KCNAB1: variants seen among roughly 807,000 people sequenced by gnomAD.
KCNAB1 encodes the protein potassium voltage-gated channel subfamily A regulatory beta subunit 1.
A neutral mutation model predicts 64.6 loss-of-function variants in KCNAB1; 35 were observed. That is an observed-to-expected ratio of 0.54 (90% CI 0.41 to 0.72). KCNAB1 has a LOEUF of 0.72. KCNAB1 is among the 30% of genes least tolerant of loss of function. The pLI, the probability that KCNAB1 is intolerant of heterozygous loss-of-function variation, is 0.00. For missense variants in KCNAB1, 401 were observed against 512.9 expected, an observed-to-expected ratio of 0.78 and a Z score of 2.11; for synonymous variants, 177 against 183.8, an observed-to-expected ratio of 0.96 and a Z score of 0.30.
At chr3:156,418,027 C>T (rs1477344868) in intron 1 of KCNAB1, among the ~76,000 whole-genome samples, 1 of 152,172 alleles carries the variant, frequency 6.6e-6, no homozygotes, top group East Asian at 1.9e-4. Flanking sequence ...TCAGGTTCAC[C>T]TGAGAAAGAG....
intron 7 of KCNAB1, among the ~76,000 whole-genome samples, chr3:156,469,627 G>T (rs1039704583): frequency 3.9e-5 from 6 of 152,172 alleles, no homozygotes; most frequent in Non-Finnish European, 8.8e-5. Context: ...AACCAGTTCA[G>T]CTGAAATTCA....
At chr3:156,363,502 G>T (rs553557597) in intron 1 of KCNAB1, among the ~76,000 whole-genome samples, 13 of 150,142 alleles carry the variant, frequency 8.7e-5, no homozygotes, top group East Asian at 3.9e-4. Context: ...TTGAGACAGC[G>T]TCTTGCTCTG....
At chr3:156,197,707 G>C (rs1714047207) in intron 1 of KCNAB1, among the ~76,000 whole-genome samples, 1 of 151,746 alleles carries the variant, frequency 6.6e-6, no homozygotes, top group Non-Finnish European at 1.5e-5. Context: ...TATTAGTCTG[G>C]CTAGTGGTCT....
intron 1 of KCNAB1, among the ~76,000 whole-genome samples, chr3:156,147,261 C>T (rs921929276): frequency 1.4e-4 from 21 of 152,214 alleles, no homozygotes; most frequent in African/African-American, 5.1e-4. Flanking sequence ...CATAATGGCA[C>T]ACCTCTTCCT....
chr3:156,183,222 G>A (rs1354958471), intron 1 of KCNAB1, among the ~76,000 whole-genome samples: 1 of 152,058 alleles, frequency 6.6e-6, no homozygotes, highest in Non-Finnish European at 1.5e-5. Context: ...AGGGAGACAA[G>A]GAAACATGAG....
At chr3:156,415,633 C>T (rs987730934) in intron 1 of KCNAB1, among the ~76,000 whole-genome samples, 1 of 152,174 alleles carries the variant, frequency 6.6e-6, no homozygotes, top group Non-Finnish European at 1.5e-5. Context: ...GAAACCATCC[C>T]CTGCTTTGGC....
intron 1 of KCNAB1, among the ~76,000 whole-genome samples, chr3:156,187,818 G>A (rs1224482730): frequency 6.6e-6 from 1 of 152,206 alleles, no homozygotes; most frequent in Admixed American, 6.5e-5. Context: ...AAAATCCTCA[G>A]TGTCTTCCCT....
At chr3:156,346,060 T>C (rs1162119721) in intron 1 of KCNAB1, among the ~76,000 whole-genome samples, 1 of 151,984 alleles carries the variant, frequency 6.6e-6, no homozygotes, top group Non-Finnish European at 1.5e-5. Flanking sequence ...ATGGCTATCA[T>C]GGTCTGATGT....
intron 1 of KCNAB1, among the ~76,000 whole-genome samples, chr3:156,205,556 C>A (rs1317168958): frequency 6.6e-6 from 1 of 152,180 alleles, no homozygotes; most frequent in East Asian, 1.9e-4. Context: ...CAGTTACTTT[C>A]ATTTTCTTTT....
At chr3:156,439,864 C>A (rs1716871508) in intron 2 of KCNAB1, among the ~76,000 whole-genome samples, 1 of 152,228 alleles carries the variant, frequency 6.6e-6, no homozygotes, top group Non-Finnish European at 1.5e-5. Flanking sequence ...ATGCTGACCT[C>A]CCAGCCACCC....
intron 1 of KCNAB1, among the ~76,000 whole-genome samples, chr3:156,192,898 T>C (rs1713647513): frequency 6.6e-6 from 1 of 152,122 alleles, no homozygotes; most frequent in Non-Finnish European, 1.5e-5. Flanking sequence ...GTAGCTCTCT[T>C]GTAGGTGGGA....
rs978352886 is a variant in KCNAB1, at chr3:156,374,544, G to C, written c.276-47072G>C. On this transcript the variant is annotated intron_variant, in intron 1 of 13. Coordinates refer to ENST00000490337, the MANE Select transcript of KCNAB1 (RefSeq NM_172160.3). ...TATTGAGGCTTAATTCCTAGCAATAGGTAGTTCCAGTCCAAAGCCTTATAG... is the reference window on the plus strand; with the variant it reads ...TATTGAGGCTTAATTCCTAGCAATACGTAGTTCCAGTCCAAAGCCTTATAG... Among the ~76,000 whole-genome samples the C allele has an allele frequency of 1.5e-5, 2 of 135,518 alleles. 1 individual carries two copies. Among genetic ancestry groups the C allele is most frequent in the Non-Finnish European group, 3.1e-5 (2 of 64,990 alleles). The allele number at this position is 135,518 out of a possible 152,430, so 88.9% of individuals were successfully genotyped here.
chr3:156,280,558 C>T (rs1719646869), intron 1 of KCNAB1, among the ~76,000 whole-genome samples: 1 of 144,404 alleles, frequency 6.9e-6, no homozygotes, highest in Middle Eastern at 3.5e-3. Context: ...TTACCTTGGG[C>T]AGTATGGCCA....
chr3:156,279,087 G>C lies in KCNAB1; in HGVS notation c.276-142529G>C, dbSNP rs144503873. ...CCCACTAACTCATCATCTAGCATTA[G>C]GTATATCTCCCGATGCTATCCCTCC... On this transcript the variant is annotated intron_variant, in intron 1 of 13. Coordinates refer to ENST00000490337, the MANE Select transcript of KCNAB1 (RefSeq NM_172160.3). 5.5e-3 allele frequency among the ~76,000 whole-genome samples: 838 copies of C among 151,538 alleles called. 4 individuals are homozygous for C. Among genetic ancestry groups the C allele is most frequent in the African/African-American group, 0.019 (797 of 41,250 alleles).
chr3:156,496,620 A>C (rs142818783), intron 8 of KCNAB1, among the ~76,000 whole-genome samples: 310 of 152,318 alleles, frequency 2.0e-3, no homozygotes, highest in Middle Eastern at 6.8e-3. Context: ...GTTTGCATAC[A>C]TTTTTATGAT....
chr3:156,319,376 G>A (rs747091967), intron 1 of KCNAB1, among the ~76,000 whole-genome samples: 15 of 152,208 alleles, frequency 9.9e-5, no homozygotes, highest in Non-Finnish European at 1.9e-4. Context: ...GGGACCCAAG[G>A]TGGCATTGTC....
intron 1 of KCNAB1, among the ~76,000 whole-genome samples, chr3:156,270,859 C>T (rs976792336): frequency 1.3e-5 from 2 of 152,062 alleles, no homozygotes; most frequent in African/African-American, 2.4e-5. Flanking sequence ...TAGCATTTCT[C>T]GTGGGACAGG....
chr3:156,131,243 T>C (rs1376005479), intron 1 of KCNAB1, among the ~76,000 whole-genome samples: 8 of 152,212 alleles, frequency 5.3e-5, no homozygotes, highest in Non-Finnish European at 1.0e-4. Flanking sequence ...TCATATTTCT[T>C]TGGAGATGGC....
intron 2 of KCNAB1, among the ~76,000 whole-genome samples, chr3:156,445,411 T>C (rs1170292191): frequency 6.6e-6 from 1 of 152,206 alleles, no homozygotes; most frequent in Non-Finnish European, 1.5e-5. Context: ...GAGGATCTTT[T>C]AAAAATACTG....
Sources: gnomAD v4.1 joint callset for allele counts (sites outside exome capture counted in the v4.1 genomes callset) on GRCh38, gnomAD v4.1.1 for gene constraint, MANE v1.5 for transcripts, NCBI Gene and HGNC (gene_info 2026-07-23, HGNC 2026-07-21) for gene names.